The following FHL2 variants were observed in gnomAD, a reference collection of about 807,000 sequenced individuals.
FHL2 encodes the protein four and a half LIM domains 2, also known as four and a half LIM domains protein 2.
In FHL2, 20 loss-of-function variants were observed where a neutral mutation model predicts 32.7. The ratio of observed to expected loss-of-function variants is 0.61; its 90% confidence interval spans 0.43 to 0.89. The LOEUF (loss-of-function observed/expected upper bound fraction) is 0.89. Ranked by LOEUF, FHL2 falls within the 40% of genes least tolerant of loss-of-function variation. FHL2 has a pLI of 0.00. For missense variants in FHL2, 311 were observed against 358.6 expected (o/e 0.87, Z 1.07); for synonymous variants, 123 against 128.1 (o/e 0.96, Z 0.27).
At chr2:105,390,068 A>G (rs1320588251) in intron 2 of FHL2, 2 of 141,496 alleles carry the variant, frequency 1.4e-5, no homozygotes, top group Non-Finnish European at 3.2e-5. Flanking sequence ...CTCTACTAAA[A>G]ATACAAAAAA....
intron 1 of FHL2, among the ~76,000 whole-genome samples, chr2:105,428,442 G>C (rs1382390430): frequency 6.6e-6 from 1 of 152,198 alleles, no homozygotes. Flanking sequence ...CTCCCTCCCT[G>C]GTGGATCAAA....
intron 1 of FHL2, among the ~76,000 whole-genome samples, chr2:105,426,463 T>C (rs1424715656): frequency 6.6e-6 from 1 of 152,214 alleles, no homozygotes; most frequent in African/African-American, 2.4e-5. Flanking sequence ...CTTTGCAGTT[T>C]GCTTTTATCT....
intron 1 of FHL2, among the ~76,000 whole-genome samples, chr2:105,413,577 GA>G (rs1428349223): frequency 6.6e-6 from 1 of 152,124 alleles, no homozygotes; most frequent in Non-Finnish European, 1.5e-5. Context: ...GGGCTCAGGT[GA>G]TCCTCCCACC....
At chr2:105,434,003 C>A (rs553804915) in intron 1 of FHL2, among the ~76,000 whole-genome samples, 1 of 152,274 alleles carries the variant, frequency 6.6e-6, no homozygotes, top group East Asian at 1.9e-4. Context: ...TTTCTGGTAC[C>A]TTCAAAGGAA....
intron 1 of FHL2, among the ~76,000 whole-genome samples, chr2:105,413,019 G>A (rs1206051256): frequency 6.6e-6 from 1 of 152,160 alleles, no homozygotes. Flanking sequence ...GGCAAATAAT[G>A]TACTCAAAGT....
At chr2:105,399,208 G>T, upstream of FHL2, 1 of 1,517,186 alleles carries the variant, frequency 6.6e-7, no homozygotes, top group Non-Finnish European at 8.8e-7. Context: ...GGCTGCGGCG[G>T]TCCCGGCCCG....
At chr2:105,377,450 G>A (rs930175735) in intron 3 of FHL2, among the ~76,000 whole-genome samples, 15 of 152,240 alleles carry the variant, frequency 9.9e-5, no homozygotes, top group Non-Finnish European at 1.5e-4. Flanking sequence ...GGCCAACATG[G>A]TTAAACCCCA....
chr2:105,372,504 G>T (rs992825121), intron 4 of FHL2, among the ~76,000 whole-genome samples: 31 of 151,866 alleles, frequency 2.0e-4, no homozygotes, highest in African/African-American at 7.5e-4. Context: ...GGATTACAGG[G>T]GTGAGCCACC....
At chr2:105,378,085 T>TC (rs1377244089) in intron 3 of FHL2, 1 of 470,332 alleles carries the variant, frequency 2.1e-6, no homozygotes, top group South Asian at 1.6e-5. Flanking sequence ...GGTCATTAAG[T>TC]CCCCAGATGG....
chr2:105,420,836 C>G (rs996889835), intron 1 of FHL2, among the ~76,000 whole-genome samples: 2 of 152,190 alleles, frequency 1.3e-5, no homozygotes, highest in African/African-American at 4.8e-5. Context: ...AACGCCTCCA[C>G]TGATCTGACA....
chr2:105,364,391 T>C lies in FHL2; in HGVS notation c.502-920A>G, dbSNP rs545539153. Among the ~76,000 whole-genome samples, 42 of 152,350 alleles carry C rather than the reference T, an allele frequency of 2.8e-4. No individual in the cohort carries two copies. The South Asian group carries it at 8.1e-3, about 29-fold the overall frequency. ...AAGGACAGCCGGGACTAGCACCTGC[T>C]GATGCCACAAGAAGAGATGGGCATC... On this transcript the variant is annotated intron_variant, in intron 5 of 6. Transcript: ENST00000530340.
chr2:105,409,350 G>A (rs1296915924), intron 1 of FHL2, among the ~76,000 whole-genome samples: 1 of 152,192 alleles, frequency 6.6e-6, no homozygotes, highest in South Asian at 2.1e-4. Flanking sequence ...TCATTTTAGA[G>A]GAAGAAGCTG....
intron 1 of FHL2, among the ~76,000 whole-genome samples, chr2:105,411,544 T>G (rs959824229): frequency 3.5e-4 from 49 of 141,408 alleles, no homozygotes; most frequent in South Asian, 1.6e-3. Flanking sequence ...TAGGGTTTTT[T>G]TTTTTTTTTT....
chr2:105,369,616 A>C (rs1214301598), intron 4 of FHL2, among the ~76,000 whole-genome samples: 1 of 152,212 alleles, frequency 6.6e-6, no homozygotes, highest in Non-Finnish European at 1.5e-5. Context: ...CCTAAAACAA[A>C]CATTACATGA....
rs1428247906 is a variant in FHL2, at chr2:105,422,246, T to C, written c.-25+16153A>G. Among the ~76,000 whole-genome samples, 5 of 152,278 alleles carry C rather than the reference T, an allele frequency of 3.3e-5. No homozygotes were observed. The East Asian group carries it at 9.6e-4, about 29-fold the overall frequency. Reference sequence around the variant, plus strand: ...GCTTTGGGTTTTCAAGATGCTGGTGTTATTGGTGAGAATGGCAAGAACTCC... The same window carrying C: ...GCTTTGGGTTTTCAAGATGCTGGTGCTATTGGTGAGAATGGCAAGAACTCC... On this transcript the variant is annotated intron_variant, in intron 1 of 5. Transcript: ENST00000393352.
Position 105,373,644 on chromosome 2 carries a change from G to C in FHL2, c.246C>G (p.Ala82=), listed in dbSNP as rs1681253489. 2 of 1,614,200 alleles carry C rather than the reference G, an allele frequency of 1.2e-6. No individual in the cohort carries two copies. The highest frequency in any genetic ancestry group is 4.5e-5 in the East Asian group (2 of 44,880). ...RNSLVDKPFA[A]KEDQLLCTDC... ...CTGTACAGAGCAGCTGGTCCTCCTT[G>C]GCAGCAAAGGGCTTGTCCACCAGTG... The change falls in exon 4 of 7, where the codon GCC becomes GCG. Residue 82 remains alanine, a synonymous_variant. Transcript: ENST00000530340.
At chr2:105,363,118 GC>G in intron 6 of FHL2, 166 bp downstream of exon 6, 1 of 625,512 alleles carries the variant, frequency 1.6e-6, no homozygotes, top group Non-Finnish European at 2.9e-6. Context: ...CTGAAGCATA[GC>G]CAGTGCACCA....
chr2:105,398,300 C>T (rs1573376313), intron 1 of FHL2, among the ~76,000 whole-genome samples: 5 of 152,224 alleles, frequency 3.3e-5, no homozygotes, highest in African/African-American at 1.2e-4. Flanking sequence ...AACTTAGAAT[C>T]TTTTCATTTA....
chr2:105,384,437 A>G (rs1450436010), intron 3 of FHL2, among the ~76,000 whole-genome samples: 1 of 152,204 alleles, frequency 6.6e-6, no homozygotes, highest in Admixed American at 6.5e-5. Context: ...GAAGAGTACG[A>G]GTGCGAGTGC....
Sources: gnomAD v4.1 joint callset for allele counts (sites outside exome capture counted in the v4.1 genomes callset) on GRCh38, gnomAD v4.1.1 for gene constraint, MANE v1.5 for transcripts, NCBI Gene and HGNC (gene_info 2026-07-23, HGNC 2026-07-21) for gene names.